MAPRE2: variants seen among roughly 807,000 people sequenced by gnomAD.
MAPRE2 encodes microtubule-associated protein RP/EB family member 2.
A neutral mutation model predicts 43.2 loss-of-function variants in MAPRE2; 13 were observed. That is an observed-to-expected ratio of 0.30 (90% CI 0.20 to 0.48). The LOEUF (loss-of-function observed/expected upper bound fraction) is 0.48, where lower values mean the gene tolerates loss of function less well. Ranked by LOEUF, MAPRE2 falls within the 20% of genes least tolerant of loss-of-function variation. MAPRE2 has a pLI of 0.99. For missense variants in MAPRE2, 161 were observed against 400.2 expected (o/e 0.40, Z 5.10); for synonymous variants, 135 against 148.8 (o/e 0.91, Z 0.68).
At chr18:35,013,168 G>C (rs1302545307) in intron 2 of MAPRE2, among the ~76,000 whole-genome samples, 3 of 152,160 alleles carry the variant, frequency 2.0e-5, no homozygotes, top group Non-Finnish European at 4.4e-5. Context: ...CCAGATGCAA[G>C]AAGTTGAGGA....
At chr18:34,986,668 C>T (rs2097021173) in intron 1 of MAPRE2, among the ~76,000 whole-genome samples, 2 of 152,150 alleles carry the variant, frequency 1.3e-5, no homozygotes, top group Non-Finnish European at 2.9e-5. Flanking sequence ...ATTCCCTCTA[C>T]AGTTGAAATG....
chr18:34,977,635 G>C (rs1004564176), intron 1 of MAPRE2, among the ~76,000 whole-genome samples: 1 of 152,176 alleles, frequency 6.6e-6, no homozygotes, highest in Non-Finnish European at 1.5e-5. Flanking sequence ...CTTCCCCTTC[G>C]GCAGCCACCA....
At chr18:35,073,508 AG>A (rs1907207009) in intron 2 of MAPRE2, among the ~76,000 whole-genome samples, 2 of 152,176 alleles carry the variant, frequency 1.3e-5, no homozygotes, top group African/African-American at 4.8e-5. Flanking sequence ...TTATTTTAGC[AG>A]TATGCCCAGG....
chr18:35,092,017 A>T (rs953205135), intron 2 of MAPRE2, among the ~76,000 whole-genome samples: 1 of 152,244 alleles, frequency 6.6e-6, no homozygotes, highest in African/African-American at 2.4e-5. Flanking sequence ...TGGCTGGAGC[A>T]GGAGCAAGAG....
intron 2 of MAPRE2, among the ~76,000 whole-genome samples, chr18:35,028,335 A>AGTAATTTGGCCAAG (rs1294775553): frequency 6.6e-6 from 1 of 152,252 alleles, no homozygotes; most frequent in African/African-American, 2.4e-5. Flanking sequence ...AGAGGAGTTA[A>AGTAATTTGGCCAAG]GTAATTTGGC....
At chr18:35,108,561 T>C (rs955504862) in intron 4 of MAPRE2, among the ~76,000 whole-genome samples, 8 of 152,194 alleles carry the variant, frequency 5.3e-5, no homozygotes, top group Non-Finnish European at 7.3e-5. Flanking sequence ...TCCTCCACAA[T>C]GGTTGAAGTA....
chr18:35,140,216 G>C, intron 6 of MAPRE2, 79 bp from the exon 7 acceptor site: 1 of 1,261,070 alleles, frequency 7.9e-7, no homozygotes, highest in Non-Finnish European at 1.1e-6. Flanking sequence ...CGCCATGCTG[G>C]CAGTGGCAAT....
chr18:35,059,807 A>T (rs1906428061), intron 1 of MAPRE2, among the ~76,000 whole-genome samples: 1 of 152,140 alleles, frequency 6.6e-6, no homozygotes, highest in African/African-American at 2.4e-5. Context: ...TGAGGTCTTG[A>T]GCCCCAGTTA....
chr18:35,041,783 G>T, intron 1 of MAPRE2, 122 bp downstream of exon 1: 1 of 1,533,192 alleles, frequency 6.5e-7, no homozygotes. Flanking sequence ...ATTTGTGAAG[G>T]CGGTTGTGAT....
intron 2 of MAPRE2, among the ~76,000 whole-genome samples, chr18:35,076,099 C>T (rs1302154916): frequency 6.6e-6 from 1 of 152,178 alleles, no homozygotes; most frequent in Non-Finnish European, 1.5e-5. Flanking sequence ...TTTTTTTACA[C>T]ATATGGATGA....
chr18:34,979,032 C>T (rs948906501), intron 1 of MAPRE2, among the ~76,000 whole-genome samples: 2 of 152,196 alleles, frequency 1.3e-5, no homozygotes, highest in Non-Finnish European at 2.9e-5. Flanking sequence ...CAGCAGCAGG[C>T]ATTGCAAGAC....
At chr18:35,098,590 A>G (rs1908532991) in intron 3 of MAPRE2, among the ~76,000 whole-genome samples, 1 of 152,116 alleles carries the variant, frequency 6.6e-6, no homozygotes, top group South Asian at 2.1e-4. Flanking sequence ...AGCCCTTTGG[A>G]TTATTTCCAA....
chr18:34,996,021 C>T (rs1042565844), intron 1 of MAPRE2, among the ~76,000 whole-genome samples: 1 of 152,294 alleles, frequency 6.6e-6, no homozygotes, highest in East Asian at 1.9e-4. Context: ...CAGGAAAGCG[C>T]TGTCACAGAT....
intron 2 of MAPRE2, among the ~76,000 whole-genome samples, chr18:35,036,250 G>A (rs1011713704): frequency 6.6e-6 from 1 of 151,914 alleles, no homozygotes; most frequent in Non-Finnish European, 1.5e-5. Flanking sequence ...ACCAAATCCT[G>A]AGTTATACCC....
intron 2 of MAPRE2, among the ~76,000 whole-genome samples, chr18:35,027,446 G>A (rs1457354696): frequency 6.6e-6 from 1 of 152,108 alleles, no homozygotes; most frequent in Non-Finnish European, 1.5e-5. Flanking sequence ...GTTCCAACCA[G>A]AGCCCCAGCT....
chr18:35,017,244 G>GTTTTTT (rs140257488), intron 2 of MAPRE2, among the ~76,000 whole-genome samples: 38 of 126,264 alleles, frequency 3.0e-4, no homozygotes, highest in Middle Eastern at 4.1e-3. Context: ...CGGTTTTGTT[G>GTTTTTT]TTTTTTTTTT....
intron 4 of MAPRE2, among the ~76,000 whole-genome samples, chr18:35,116,017 A>G (rs1286141349): frequency 6.6e-6 from 1 of 152,194 alleles, no homozygotes; most frequent in Non-Finnish European, 1.5e-5. Flanking sequence ...GGAGATACAT[A>G]GTGATTCTGA....
intron 2 of MAPRE2, among the ~76,000 whole-genome samples, chr18:35,020,324 G>A (rs1051241803): frequency 6.6e-6 from 1 of 152,064 alleles, no homozygotes; most frequent in African/African-American, 2.4e-5. Flanking sequence ...ATGCTGATGT[G>A]TTATTCTGTT....
chr18:35,089,548 G>T (rs759248366), intron 2 of MAPRE2, among the ~76,000 whole-genome samples: 3 of 152,090 alleles, frequency 2.0e-5, no homozygotes, highest in Non-Finnish European at 2.9e-5. Flanking sequence ...AAAAGCACAA[G>T]GAAAAGATGC....
Sources: gnomAD v4.1 joint callset for allele counts (sites outside exome capture counted in the v4.1 genomes callset) on GRCh38, gnomAD v4.1.1 for gene constraint, MANE v1.5 for transcripts, NCBI Gene and HGNC (gene_info 2026-07-23, HGNC 2026-07-21) for gene names.